The following RAG1 variants were observed in gnomAD, a reference collection of about 807,000 sequenced individuals.
The protein encoded by RAG1 is V(D)J recombination-activating protein 1.
RAG1 carries 35 observed loss-of-function variants against 62.7 expected under a neutral mutation model. That is an observed-to-expected ratio of 0.56 (90% CI 0.43 to 0.74). The LOEUF is 0.74. RAG1 is among the 30% of genes least tolerant of loss of function. The probability of loss-of-function intolerance (pLI) is 0.00; values close to 1 mark genes in which losing one functional copy is unlikely to be tolerated. For missense variants in RAG1, 1,169 were observed against 1,278.6 expected (o/e 0.91, Z 1.31); for synonymous variants, 461 against 470.3 (o/e 0.98, Z 0.26).
chr11:36,549,410 C>A (rs936654790), intron 3 of RAG1, among the ~76,000 whole-genome samples: 2 of 152,128 alleles, frequency 1.3e-5, no homozygotes, highest in African/African-American at 4.8e-5. Context: ...CTACAAGGAA[C>A]TTAAACAACT....
chr11:36,539,081 T>C (rs1422491727), downstream of RAG1, among the ~76,000 whole-genome samples: 1 of 152,196 alleles, frequency 6.6e-6, no homozygotes, highest in Non-Finnish European at 1.5e-5. Context: ...CCCCTCACAT[T>C]GAAGCCCAAC....
chr11:36,535,274 C>A (rs948453569), intron 2 of RAG1, among the ~76,000 whole-genome samples: 5 of 151,722 alleles, frequency 3.3e-5, no homozygotes, highest in Non-Finnish European at 5.9e-5. Flanking sequence ...TCCATGGATT[C>A]CTGAAAGAAG....
chr11:36,574,763 A>T lies in RAG1; in HGVS notation c.1459A>T (p.Met487Leu). ...CCTCAGCTGCAGTCAGTACCACAAG[A>T]TGTACAGGACTGTGAAAGCCATCAC... ...TFLSCSQYHK[M>L]YRTVKAITGR... Residue 487 changes from methionine to leucine, a missense_variant, in exon 2 of 2, where the codon ATG (methionine) becomes TTG (leucine). Transcript: ENST00000299440. The T allele has an allele frequency of 6.2e-7, 1 of 1,614,230 alleles. No homozygotes were observed. Among genetic ancestry groups the T allele is most frequent in the Non-Finnish European group, 8.5e-7 (1 of 1,180,054 alleles).
intron 3 of RAG1, among the ~76,000 whole-genome samples, chr11:36,541,494 T>C (rs1356365071): frequency 6.6e-6 from 1 of 152,236 alleles, no homozygotes; most frequent in Non-Finnish European, 1.5e-5. Context: ...AGTATCTGTT[T>C]AGTGCTGGTA....
chr11:36,519,487 A>G (rs1387161695), intron 1 of RAG1, among the ~76,000 whole-genome samples: 1 of 152,254 alleles, frequency 6.6e-6, no homozygotes, highest in African/African-American at 2.4e-5. Context: ...TCCTATCTAT[A>G]CAACTGCACT....
Position 36,578,279 on chromosome 11 carries a change from T to G in RAG1, c.*1843T>G. 6.0e-6 allele frequency: 1 copy of G among 167,140 alleles called. No individual in the cohort carries two copies. 10.4% of individuals were successfully genotyped at this position (167,140 alleles called of 1,614,324 possible). A position where few individuals can be genotyped will look rare whatever the true frequency, so the allele number is the denominator to read the frequency against. On this transcript the variant is annotated 3_prime_UTR_variant, in exon 2 of 2. Coordinates refer to ENST00000299440, the MANE Select transcript of RAG1 (RefSeq NM_000448.3). ...TCTTTCATTAAAAAACACAGCAGTT[T>G]TCCTTGCTTTTTATATGCAGAATAT...
In RAG1 at chr11:36,558,603, T is replaced by C. The variant is rs1465997427; in HGVS notation, c.-411-4782T>C. On this transcript the variant is annotated intron_variant and NMD_transcript_variant, in intron 3 of 9. Transcript: ENST00000534663. The stretch of plus-strand genomic sequence containing the variant: ...TAGTTACTCCTGCTTACTTTTGGTT[T>C]CCATTTGCATGGAGTATCTTTTTCC... Among the ~76,000 whole-genome samples, 3 of 152,222 alleles carry C rather than the reference T, an allele frequency of 2.0e-5. No homozygotes were observed. The East Asian group carries it at 5.8e-4, about 29-fold the overall frequency.
chr11:36,530,592 T>G (rs1860239195), intron 2 of RAG1, among the ~76,000 whole-genome samples: 1 of 152,014 alleles, frequency 6.6e-6, no homozygotes, highest in African/African-American at 2.4e-5. Flanking sequence ...CACTGGTTAC[T>G]TAGGAGTATG....
intron 1 of RAG1, among the ~76,000 whole-genome samples, chr11:36,516,968 A>G (rs2133691556): frequency 6.6e-6 from 1 of 152,306 alleles, no homozygotes; most frequent in South Asian, 2.1e-4. Context: ...TCGTTTAGGA[A>G]GTGTCTGAAT....
intron 3 of RAG1, among the ~76,000 whole-genome samples, chr11:36,541,176 A>G: frequency 6.6e-6 from 1 of 152,174 alleles, no homozygotes; most frequent in South Asian, 2.1e-4. Flanking sequence ...GAGCTATATT[A>G]AGAAAGTCCT....
upstream of RAG1, chr11:36,566,304 G>A (rs561864689): frequency 6.6e-5 from 10 of 152,156 alleles, 1 homozygote; most frequent in East Asian, 7.7e-4. Flanking sequence ...CTAAACCAAG[G>A]AAAGTCCAAA....
chr11:36,567,845 C>G (rs1235387737), upstream of RAG1, among the ~76,000 whole-genome samples: 1 of 152,206 alleles, frequency 6.6e-6, no homozygotes, highest in Non-Finnish European at 1.5e-5. Context: ...TGGTTCTACA[C>G]TCAGGCCCCC....
In RAG1 at chr11:36,573,430, T is replaced by C. The variant is rs1284946650; in HGVS notation, c.126T>C (p.Pro42=). ...GGGTGAGATCCTTTGAAAAGACACC[T>C]GAAGAAGCTCAAAAGGAAAAGAAGG... The part of the protein sequence containing the change: ...LFRVRSFEKT[P]EEAQKEKKDS... Residue 42 remains proline (P), a synonymous_variant, in exon 2 of 2, where the codon CCT becomes CCC. Coordinates refer to ENST00000299440, the MANE Select transcript of RAG1 (RefSeq NM_000448.3). The C allele has an allele frequency of 1.9e-6, 3 of 1,614,062 alleles. No individual in the cohort carries two copies. Among genetic ancestry groups the C allele is most frequent in the African/African-American group, 2.7e-5 (2 of 74,980 alleles).
rs1451649643 is a variant in RAG1 at position 36,575,966 on chromosome 11, C to T, written c.2662C>T (p.Leu888Phe). ...RHEALRELMD[L>F]YLKMKPVWRS... ...CGAGGCTCTGAGGGAGCTGATGGATCTTTACCTGAAGATGAAACCAGTATG... is the reference window on the plus strand; with the variant it reads ...CGAGGCTCTGAGGGAGCTGATGGATTTTTACCTGAAGATGAAACCAGTATG... The change falls in exon 2 of 2, where the codon CTT becomes TTT. Residue 888 changes from leucine (L) to phenylalanine (F), a missense_variant. By Grantham distance (22) the Leu-to-Phe change is conservative. Around this residue, in one of 2 missense-constraint regions of RAG1, gnomAD observed 800 missense variants for 943.3 expected, o/e 0.85. Transcript: ENST00000299440. The surrounding 1 kb of genome is among the most constrained non-coding windows in gnomAD (Gnocchi z 4.1). 6.2e-7 allele frequency: 1 copy of T among 1,614,068 alleles called. No homozygotes were observed. The highest frequency in any genetic ancestry group is 8.5e-7 in the Non-Finnish European group (1 of 1,180,028).
At position 36,574,246 on chromosome 11, in the gene RAG1, G is replaced by A; in HGVS notation, c.942G>A (p.Arg314=). ...CCAACTGTAAGCATGTCTTTTGCCG[G>A]GTCTGCATTCTCAGATGCCTCAAAG... ...VETNCKHVFC[R]VCILRCLKVM... The change falls in exon 2 of 2, where the codon CGG becomes CGA. Residue 314 remains arginine, a synonymous_variant. Transcript: ENST00000299440. The A allele has an allele frequency of 6.2e-7, 1 of 1,614,094 alleles. No homozygotes were observed. The highest frequency in any genetic ancestry group is 8.5e-7 in the Non-Finnish European group (1 of 1,180,020).
chr11:36,561,744 A>G (rs1284728988), intron 3 of RAG1, among the ~76,000 whole-genome samples: 1 of 152,184 alleles, frequency 6.6e-6, no homozygotes, highest in Non-Finnish European at 1.5e-5. Flanking sequence ...CTTGCTCTTC[A>G]GACTTTTGGA....
At chr11:36,536,146 G>C (rs2133259964), downstream of RAG1, 1 of 152,100 alleles carries the variant, frequency 6.6e-6, no homozygotes, top group Middle Eastern at 3.4e-3. Flanking sequence ...GGGAAGGATA[G>C]GATTAAAACA....
Position 36,533,036 on chromosome 11 carries a change from C to CT in RAG1, n.429-2916dup, listed in dbSNP as rs564498941. 2.4e-4 allele frequency among the ~76,000 whole-genome samples: 37 copies of CT among 152,186 alleles called. No homozygotes were observed. The East Asian group carries it at 6.8e-3, about 28-fold the overall frequency. ...GAGGTTGGACCAGCCCAATTGTTCCCTTTTTTTCACGTGTAGTTCTCAAGA... is the reference window on the plus strand; with the variant it reads ...GAGGTTGGACCAGCCCAATTGTTCCCTTTTTTTTCACGTGTAGTTCTCAAGA... On this transcript the variant is annotated intron_variant and non_coding_transcript_variant, in intron 2 of 2. Transcript: ENST00000529126.
Position 36,575,335 on chromosome 11 carries a change from T to C in RAG1, c.2031T>C (p.Pro677=). The change falls in exon 2 of 2, where the codon CCT becomes CCC. Residue 677 remains proline, a synonymous_variant. Coordinates refer to ENST00000299440, the MANE Select transcript of RAG1 (RefSeq NM_000448.3). The surrounding 1 kb of genome is among the most constrained non-coding windows in gnomAD (Gnocchi z 4.1). ...AGACGCTGACTGCCATCCTGAGTCC[T>C]CTCATTGCTGAGAGGGAGGCCATGA... ...DHETLTAILS[P]LIAEREAMKS... The C allele has an allele frequency of 1.2e-6, 2 of 1,614,128 alleles. No homozygotes were observed. The highest frequency in any genetic ancestry group is 1.7e-6 in the Non-Finnish European group (2 of 1,180,014).
Sources: gnomAD v4.1 joint callset for allele counts (sites outside exome capture counted in the v4.1 genomes callset) on GRCh38, gnomAD v4.1.1 for gene constraint, gnomAD v4.1.1 regional missense constraint, Gnocchi (gnomAD v3.1) non-coding constraint, MANE v1.5 for transcripts, NCBI Gene and HGNC (gene_info 2026-07-23, HGNC 2026-07-21) for gene names.